The following RASA3 variants were observed in gnomAD, a reference collection of about 807,000 sequenced individuals.
RASA3 encodes the protein ras GTPase-activating protein 3.
In RASA3, 73 loss-of-function variants were observed where a neutral mutation model predicts 110.0. The observed-to-expected ratio is 0.66, with a 90% CI of 0.55 to 0.81. The LOEUF (loss-of-function observed/expected upper bound fraction) is 0.81. Among genes scored for constraint, RASA3 ranks in the 30% least tolerant of loss-of-function variants. RASA3 has a pLI of 0.00. For synonymous variants in RASA3, 500 were observed against 451.4 expected (o/e 1.11, Z -1.37); for missense variants, 976 against 1,113.2 (o/e 0.88, Z 1.75).
At chr13:114,124,657 G>A (rs1460821114) in intron 1 of RASA3, among the ~76,000 whole-genome samples, 1 of 152,230 alleles carries the variant, frequency 6.6e-6, no homozygotes, top group African/African-American at 2.4e-5. Flanking sequence ...CCTGTCAGGG[G>A]CCTCTCAGGG....
In RASA3 at chr13:114,003,727, A is replaced by G. The variant is rs569242215; in HGVS notation, c.1743-2795T>C. On this transcript the variant is annotated intron_variant, in intron 18 of 23. Transcript: ENST00000334062. ...ATAGGCATGTCCCAGCTCACAGCCT[A>G]TGCCCCTTCCTTATTTAAACATATT... Among the ~76,000 whole-genome samples, 4 of 152,284 alleles carry G rather than the reference A, an allele frequency of 2.6e-5. No individual in the cohort carries two copies. In the South Asian group the frequency reaches 8.3e-4, roughly 32 times the overall value.
chr13:114,116,885 G>C (rs1258457462), intron 1 of RASA3, among the ~76,000 whole-genome samples: 4 of 141,528 alleles, frequency 2.8e-5, no homozygotes, highest in African/African-American at 5.3e-5. Context: ...ATGTATGAGG[G>C]GTGCACGTGT....
chr13:113,993,066 A>C (rs750398331), intron 21 of RASA3, among the ~76,000 whole-genome samples: 4 of 152,210 alleles, frequency 2.6e-5, no homozygotes, highest in Non-Finnish European at 4.4e-5. Flanking sequence ...GTACATTTTT[A>C]GTATCATACA....
chr13:114,042,738 C>A (rs114037394), intron 3 of RASA3, among the ~76,000 whole-genome samples: 1,779 of 152,340 alleles, frequency 0.012, 27 homozygotes, highest in African/African-American at 0.041. Context: ...AGGCTCCCAT[C>A]GGAACAACCC....
At chr13:114,074,376 C>T (rs994932866) in intron 1 of RASA3, among the ~76,000 whole-genome samples, 3 of 152,302 alleles carry the variant, frequency 2.0e-5, no homozygotes, top group African/African-American at 7.2e-5. Context: ...ATCCACAGGA[C>T]GTGTCCTTTC....
At position 114,013,316 on chromosome 13, in the gene RASA3, C is replaced by T. The variant is rs544464426; in HGVS notation, c.1406-68G>A. 158 of 1,231,340 alleles carry T rather than the reference C, an allele frequency of 1.3e-4. 3 individuals carry two copies. Among genetic ancestry groups the T allele is most frequent in the South Asian group, 1.0e-3 (75 of 72,312 alleles). The allele number at this position is 1,231,340 out of a possible 1,614,324, so 76.3% of individuals were successfully genotyped here. A position where few individuals can be genotyped will look rare whatever the true frequency, so the allele number is the denominator to read the frequency against. On this transcript the variant is annotated intron_variant, in intron 14 of 23. Coordinates refer to ENST00000334062, the MANE Select transcript of RASA3 (RefSeq NM_007368.4). ...ATGGCCTCGTGGGGACACCATGCCC[C>T]GGCCCCCTGAGGGTCCGCAGGGAAG...
chr13:114,044,724 G>A (rs933536584), intron 3 of RASA3, among the ~76,000 whole-genome samples: 8 of 150,832 alleles, frequency 5.3e-5, no homozygotes, highest in Non-Finnish European at 1.0e-4. Flanking sequence ...TCTTAAAACT[G>A]AGTTGGGCAA....
At chr13:113,980,834 G>A (rs776824483) in intron 23 of RASA3, among the ~76,000 whole-genome samples, 4 of 152,214 alleles carry the variant, frequency 2.6e-5, no homozygotes, top group African/African-American at 7.2e-5. Flanking sequence ...GAAGGAAGGA[G>A]GGGTTAAGAA....
chr13:114,017,275 G>A lies in RASA3; in HGVS notation c.1168C>T (p.His390Tyr), dbSNP rs1213204685. ...GGCTTCAGGGTGACATGCAGGTAAT[G>A]CATCCCCGCCAGCTTCATGGTCTCG... ...IDETMKLAGMHYLHVTLKPAI... is the reference protein window; with the variant it reads ...IDETMKLAGMYYLHVTLKPAI... Residue 390 changes from histidine (H) to tyrosine (Y), a missense_variant, in exon 12 of 24, where the codon CAT becomes TAT. By Grantham distance (83) the His-to-Tyr change is moderately conservative. Transcript: ENST00000334062. 8.1e-6 allele frequency: 13 copies of A among 1,613,680 alleles called. No homozygotes were observed. The highest frequency in any genetic ancestry group is 1.1e-5 in the Non-Finnish European group (13 of 1,180,022).
chr13:114,018,649 G>C (rs1351260625), intron 10 of RASA3, 114 bp downstream of exon 10: 4 of 1,349,284 alleles, frequency 3.0e-6, no homozygotes, highest in Non-Finnish European at 4.0e-6. Flanking sequence ...GGGAGGCGTG[G>C]GAAAGGCCCC....
chr13:114,029,801 C>T lies in RASA3; in HGVS notation c.449+10G>A, dbSNP rs185122363. ...CTGTGCGCTCGGTCTCTAGTGAGGA[C>T]GTGTCTTACCGTGTGGCGAGCTTGT... On this transcript the variant is annotated intron_variant, in intron 5 of 23. Coordinates refer to ENST00000334062, the MANE Select transcript of RASA3 (RefSeq NM_007368.4). 5.0e-5 allele frequency: 80 copies of T among 1,588,848 alleles called. No individual in the cohort carries two copies. Among genetic ancestry groups the T allele is most frequent in the South Asian group, 1.1e-4 (10 of 87,090 alleles).
intron 1 of RASA3, among the ~76,000 whole-genome samples, chr13:114,089,037 G>A (rs909102984): frequency 6.6e-6 from 1 of 152,048 alleles, no homozygotes; most frequent in Admixed American, 6.6e-5. Flanking sequence ...CTCCTCCCAG[G>A]GCAGCAGAGC....
In RASA3 at chr13:114,018,760, C is replaced by T. The variant is rs761789021; in HGVS notation, c.942+3G>A. On this transcript the variant is annotated splice_donor_region_variant and intron_variant, in intron 10 of 23. Transcript: ENST00000334062. ...ACCCACAGGCCACGGCGTGGACAAGCACCTCCACATCCGCAGACTTCAACA... is the reference window on the plus strand; with the variant it reads ...ACCCACAGGCCACGGCGTGGACAAGTACCTCCACATCCGCAGACTTCAACA... The T allele has an allele frequency of 1.2e-5, 20 of 1,612,948 alleles. No individual in the cohort carries two copies. Among genetic ancestry groups the T allele is most frequent in the Non-Finnish European group, 1.7e-5 (20 of 1,179,782 alleles).
intron 4 of RASA3, among the ~76,000 whole-genome samples, chr13:114,033,473 C>T (rs1305153486): frequency 1.5e-5 from 1 of 66,846 alleles, no homozygotes; most frequent in Non-Finnish European, 3.2e-5. Flanking sequence ...GACACCACGC[C>T]CCACGGCACC....
intron 1 of RASA3, among the ~76,000 whole-genome samples, chr13:114,132,185 C>A (rs1445373166): frequency 6.6e-6 from 1 of 152,202 alleles, no homozygotes; most frequent in Non-Finnish European, 1.5e-5. Context: ...GGACCGGGGC[C>A]GCTCCGGGCG....
At chr13:114,023,517 G>A (rs751631889) in intron 8 of RASA3, among the ~76,000 whole-genome samples, 4 of 152,234 alleles carry the variant, frequency 2.6e-5, no homozygotes, top group Admixed American at 2.0e-4. Context: ...CAGAGGCTAC[G>A]TTCAAAAATA....
At chr13:114,037,051 C>A (rs572463191) in intron 4 of RASA3, among the ~76,000 whole-genome samples, 1 of 152,308 alleles carries the variant, frequency 6.6e-6, no homozygotes, top group South Asian at 2.1e-4. Flanking sequence ...TGACACCACT[C>A]GGTTCAGGAT....
chr13:114,018,362 G>A (rs1206443496), intron 10 of RASA3, 110 bp from the exon 11 acceptor site: 28 of 1,338,134 alleles, frequency 2.1e-5, no homozygotes, highest in African/African-American at 5.9e-5. Flanking sequence ...ACGGCTCTTT[G>A]CTGAGACAGA....
At chr13:114,017,424 C>T (rs556357489) in intron 11 of RASA3, 73 bp from the exon 12 acceptor site, 20 of 1,162,010 alleles carry the variant, frequency 1.7e-5, no homozygotes, top group Middle Eastern at 2.5e-4. Context: ...AGCCTGGCCC[C>T]GAGCACCTGC....
Sources: gnomAD v4.1 joint callset for allele counts (sites outside exome capture counted in the v4.1 genomes callset) on GRCh38, gnomAD v4.1.1 for gene constraint, MANE v1.5 for transcripts, NCBI Gene and HGNC (gene_info 2026-07-23, HGNC 2026-07-21) for gene names.